The following ACACA variants were observed in gnomAD, a reference collection of about 807,000 sequenced individuals.
The protein encoded by ACACA is acetyl-CoA carboxylase alpha, also known as acetyl-CoA carboxylase 1.
A neutral mutation model predicts 296.1 loss-of-function variants in ACACA; 103 were observed. The ratio of observed to expected loss-of-function variants is 0.35; its 90% CI spans 0.30 to 0.41. The LOEUF (loss-of-function observed/expected upper bound fraction) is 0.41, where lower values mean the gene tolerates loss of function less well. Among genes scored for constraint, ACACA ranks in the 10% least tolerant of loss-of-function variants. The pLI is 1.00. For synonymous variants in ACACA, 953 were observed against 1,038.6 expected (o/e 0.92, Z 1.58); for missense variants, 1,554 against 2,989.7 (o/e 0.52, Z 11.20).
chr17:37,372,476 C>T (rs1480756711), intron 1 of ACACA, among the ~76,000 whole-genome samples: 12 of 151,400 alleles, frequency 7.9e-5, no homozygotes, highest in Admixed American at 4.6e-4. Flanking sequence ...CTAGAAGAGG[C>T]CTTGTAAGCC....
intron 5 of ACACA, 103 bp downstream of exon 5, chr17:37,283,164 C>A (rs2082621007): frequency 7.2e-7 from 1 of 1,383,028 alleles, no homozygotes; most frequent in Admixed American, 1.8e-5. Flanking sequence ...CTTGGAAGTC[C>A]TATGTTTGGG....
intron 54 of ACACA, among the ~76,000 whole-genome samples, chr17:37,092,132 C>T (rs1276550259): frequency 6.6e-6 from 1 of 151,598 alleles, no homozygotes; most frequent in Non-Finnish European, 1.5e-5. Context: ...ACAAAAAAAT[C>T]AGCCAGGTGG....
intron 25 of ACACA, among the ~76,000 whole-genome samples, chr17:37,232,033 T>G (rs2079883888): frequency 1.3e-5 from 2 of 152,224 alleles, no homozygotes; most frequent in Non-Finnish European, 2.9e-5. Flanking sequence ...CCTGATACTT[T>G]GCTTTCCAGA....
At position 37,383,820 on chromosome 17, in the gene ACACA, C is replaced by T. The variant is rs535855658; in HGVS notation, c.38+22442G>A. ...CCCAACTCAGCCTCCCAAAGTGCTG[C>T]GATTATAGGCGTGAGCCACCTCACT... is the stretch of plus-strand genomic sequence containing the variant. On this transcript the variant is annotated intron_variant, in intron 1 of 55. Coordinates refer to ENST00000616317, the MANE Select transcript of ACACA (RefSeq NM_198834.3). Among the ~76,000 whole-genome samples the T allele has an allele frequency of 7.9e-5, 12 of 152,188 alleles. No individual in the cohort carries two copies. In the South Asian group the frequency reaches 1.0e-3, roughly 13 times the overall value.
intron 1 of ACACA, among the ~76,000 whole-genome samples, chr17:37,359,424 CGGGCCGCG>C (rs1262695633): frequency 6.6e-6 from 1 of 151,474 alleles, no homozygotes; most frequent in Non-Finnish European, 1.5e-5. Flanking sequence ...GGGCCGCGGG[CGGGCCGCG>C]GGCGGGCCCT....
intron 3 of ACACA, among the ~76,000 whole-genome samples, chr17:37,293,834 C>G (rs2083199663): frequency 6.6e-6 from 1 of 152,194 alleles, no homozygotes; most frequent in Non-Finnish European, 1.5e-5. Flanking sequence ...GCCACCACGC[C>G]TGGCCAAGAT....
chr17:37,186,523 G>C (rs1387830675), intron 39 of ACACA, among the ~76,000 whole-genome samples: 3 of 152,242 alleles, frequency 2.0e-5, no homozygotes, highest in Non-Finnish European at 4.4e-5. Flanking sequence ...GGGAAAAACA[G>C]TTTGACAATA....
At chr17:37,216,220 ATATAT>A (rs2078993480) in intron 29 of ACACA, among the ~76,000 whole-genome samples, 1 of 150,910 alleles carries the variant, frequency 6.6e-6, no homozygotes, top group Non-Finnish European at 1.5e-5. Context: ...ATATATATAT[ATATAT>A]ATGTTTCTAA....
rs1274841211 is a variant in ACACA at position 37,246,961 on chromosome 17, A to G, written c.2325T>C (p.Ile775=). The G allele has an allele frequency of 1.9e-6, 3 of 1,614,046 alleles. No individual in the cohort carries two copies. In the East Asian group the frequency reaches 6.7e-5, roughly 36 times the overall value. The change falls in exon 19 of 56, where the codon ATT becomes ATC. Residue 775 remains isoleucine, a synonymous_variant. Transcript: ENST00000616317. The part of the protein sequence containing the change: ...KEEVDRYRIT[I]GNKTCVFEKE... ...TCTCAAACACACAGGTTTTATTGCCAATTGTGATGCGATATCTAGGAGACA... is the reference window on the plus strand; with the variant it reads ...TCTCAAACACACAGGTTTTATTGCCGATTGTGATGCGATATCTAGGAGACA...
chr17:37,318,984 C>T (rs1261753689), intron 3 of ACACA, among the ~76,000 whole-genome samples: 2 of 151,978 alleles, frequency 1.3e-5, no homozygotes, highest in South Asian at 2.1e-4. Flanking sequence ...CAATTAATAC[C>T]AATTGTTGCT....
chr17:37,161,997 G>A lies in ACACA; in HGVS notation c.5133C>T (p.Gly1711=), dbSNP rs2076479094. The A allele has an allele frequency of 6.2e-7, 1 of 1,614,164 alleles. No individual in the cohort carries two copies. The highest frequency in any genetic ancestry group is 8.5e-7 in the Non-Finnish European group (1 of 1,180,020). Residue 1711 remains glycine (G), a synonymous_variant, in exon 42 of 56, where the codon GGC becomes GGT. Coordinates refer to ENST00000616317, the MANE Select transcript of ACACA (RefSeq NM_198834.3). ...MTFKSPEYPE[G]RDIIVIGNDI... ...CATTGCCAATAACAATGATATCTCG[G>A]CCTTCTGGATATTCAGGACTTTTAA...
chr17:37,371,374 G>C (rs73285187), intron 1 of ACACA, among the ~76,000 whole-genome samples: 8 of 151,792 alleles, frequency 5.3e-5, no homozygotes, highest in African/African-American at 1.5e-4. Context: ...CACGACGCCC[G>C]GCTGATAGTT....
intron 33 of ACACA, among the ~76,000 whole-genome samples, chr17:37,204,465 C>T (rs959453128): frequency 6.6e-6 from 1 of 152,186 alleles, no homozygotes; most frequent in Admixed American, 6.5e-5. Context: ...ACAACTGGAA[C>T]AATTCCTGAC....
At chr17:37,164,325 C>T (rs949394702) in intron 41 of ACACA, among the ~76,000 whole-genome samples, 1 of 152,202 alleles carries the variant, frequency 6.6e-6, no homozygotes, top group Admixed American at 6.5e-5. Context: ...GCTCTGAGTA[C>T]ACATTCCTCA....
chr17:37,302,363 C>T (rs1178894122), intron 3 of ACACA, among the ~76,000 whole-genome samples: 1 of 152,128 alleles, frequency 6.6e-6, no homozygotes, highest in Non-Finnish European at 1.5e-5. Flanking sequence ...GTGACTGCCA[C>T]CATGCCAGGC....
intron 1 of ACACA, among the ~76,000 whole-genome samples, chr17:37,384,032 G>A (rs1217983242): frequency 6.6e-6 from 1 of 152,166 alleles, no homozygotes; most frequent in African/African-American, 2.4e-5. Flanking sequence ...TTGGGAGCCC[G>A]AGGCGGGCAG....
In ACACA at chr17:37,406,328, C is replaced by T. The variant is rs773983118; in HGVS notation, c.-29G>A. ...CTCATCATTGCGCCTCAATTTGGGC[C>T]TCTGAAGCCCAAAGAGGGGATGGTT... On this transcript the variant is annotated 5_prime_UTR_variant, in exon 1 of 56. Coordinates refer to ENST00000616317, the MANE Select transcript of ACACA (RefSeq NM_198834.3). 1 of 1,613,614 alleles carries T rather than the reference C, an allele frequency of 6.2e-7. No individual in the cohort carries two copies. The highest frequency in any genetic ancestry group is 8.5e-7 in the Non-Finnish European group (1 of 1,179,508).
chr17:37,316,891 G>A (rs1384358191), intron 3 of ACACA, among the ~76,000 whole-genome samples: 1 of 151,902 alleles, frequency 6.6e-6, no homozygotes, highest in Non-Finnish European at 1.5e-5. Flanking sequence ...TGGCCAACAT[G>A]GCGAAACCGT....
At chr17:37,319,745 G>A (rs2047258713) in intron 3 of ACACA, among the ~76,000 whole-genome samples, 1 of 152,032 alleles carries the variant, frequency 6.6e-6, no homozygotes, top group Non-Finnish European at 1.5e-5. Context: ...GATGTCAGGA[G>A]TTCAAAACCA....
Sources: gnomAD v4.1 joint callset for allele counts (sites outside exome capture counted in the v4.1 genomes callset) on GRCh38, gnomAD v4.1.1 for gene constraint, MANE v1.5 for transcripts, NCBI Gene and HGNC (gene_info 2026-07-23, HGNC 2026-07-21) for gene names.